The following MLIP variants were observed in gnomAD, a reference collection of about 807,000 sequenced individuals.
MLIP encodes the protein muscular LMNA interacting protein.
A neutral mutation model predicts 84.8 loss-of-function variants in MLIP; 79 were observed. That is an observed-to-expected ratio of 0.93 (90% CI 0.78 to 1.12). MLIP has a LOEUF of 1.12. Among genes scored for constraint, MLIP ranks in the 50% most tolerant of loss-of-function variants. MLIP has a pLI of 0.00. For synonymous variants in MLIP, 504 were observed against 463.0 expected, an observed-to-expected ratio of 1.09 and a Z score of -1.14; for missense variants, 1,257 against 1,160.6, an observed-to-expected ratio of 1.08 and a Z score of -1.21.
chr6:54,042,628 A>T (rs537624526), intron 1 of MLIP, among the ~76,000 whole-genome samples: 10 of 152,184 alleles, frequency 6.6e-5, no homozygotes, highest in Non-Finnish European at 1.3e-4. Context: ...TGAACTAAGC[A>T]TGTTGAGGAA....
At chr6:54,216,027 A>G in intron 11 of MLIP, 2 of 399,336 alleles carry the variant, frequency 5.0e-6, no homozygotes, top group Non-Finnish European at 6.8e-6. Context: ...AGGCTGAATA[A>G]TATTTCATTG....
Position 54,054,562 on chromosome 6 carries a change from T to C in MLIP, c.63+35471T>C, listed in dbSNP as rs141505279. Among the ~76,000 whole-genome samples, 46 of 152,264 alleles carry C rather than the reference T, an allele frequency of 3.0e-4. No homozygotes were observed. The East Asian group carries it at 7.7e-3, about 26-fold the overall frequency. On this transcript the variant is annotated intron_variant, in intron 1 of 12. Transcript: ENST00000274897. The stretch of plus-strand genomic sequence containing the variant: ...ATTCACTGAATTTTCACTCTGTTCC[T>C]ATCCATATTCAGGGCTAGATTAAAG...
rs189886641 is a variant in MLIP, at chr6:54,137,312, G to T, written c.1243G>T (p.Ala415Ser). 270 of 1,535,920 alleles carry T rather than the reference G, an allele frequency of 1.8e-4. 1 individual carries two copies. Among genetic ancestry groups the T allele is most frequent in the African/African-American group, 1.2e-3 (89 of 73,086 alleles). The change falls in exon 4 of 14, where the codon GCC (alanine) becomes TCC (serine). Residue 415 changes from alanine to serine, a missense_variant. Physicochemically the swap from Ala to Ser is moderately conservative, Grantham distance 99 (BLOSUM62 1). Transcript: ENST00000502396. ...AAAATCCCCGGTGCCTTCCCGGCTT[G>T]CCCTTCTCACTGCCATTCTCAAGTC... The part of the protein sequence containing the change: ...GVKSPVPSRL[A>S]LLTAILKSNP...
chr6:54,097,055 C>T (rs1450389502), intron 1 of MLIP, among the ~76,000 whole-genome samples: 1 of 152,044 alleles, frequency 6.6e-6, no homozygotes, highest in Non-Finnish European at 1.5e-5. Context: ...ACCAAGAAGG[C>T]TACATGTTAG....
intron 1 of MLIP, among the ~76,000 whole-genome samples, chr6:54,050,285 A>G (rs1485812516): frequency 6.6e-6 from 1 of 152,146 alleles, no homozygotes; most frequent in Non-Finnish European, 1.5e-5. Context: ...GAAAATGAAA[A>G]CACATATAGT....
intron 11 of MLIP, among the ~76,000 whole-genome samples, chr6:54,229,995 T>C (rs1187670222): frequency 2.0e-5 from 3 of 152,196 alleles, no homozygotes; most frequent in Admixed American, 2.0e-4. Flanking sequence ...TGGCCTCATG[T>C]AGTAGTTCCT....
At chr6:54,073,058 A>G (rs1561908500) in intron 1 of MLIP, among the ~76,000 whole-genome samples, 1 of 151,832 alleles carries the variant, frequency 6.6e-6, no homozygotes, top group African/African-American at 2.4e-5. Context: ...GTCCTCACTC[A>G]CCCTTTTCTG....
At chr6:54,242,631 C>G (rs1045033304) in intron 12 of MLIP, among the ~76,000 whole-genome samples, 3 of 152,058 alleles carry the variant, frequency 2.0e-5, no homozygotes, top group African/African-American at 7.2e-5. Context: ...TAACCTTCCC[C>G]TACTGCTTCA....
At chr6:54,251,594 AAT>A (rs377759177) in intron 12 of MLIP, among the ~76,000 whole-genome samples, 2 of 86,966 alleles carry the variant, frequency 2.3e-5, no homozygotes, top group African/African-American at 8.0e-5. Context: ...ATATAATACA[AAT>A]ATATATATTA....
intron 10 of MLIP, among the ~76,000 whole-genome samples, chr6:54,200,935 C>T (rs1484980527): frequency 1.3e-5 from 2 of 152,148 alleles, no homozygotes; most frequent in Non-Finnish European, 2.9e-5. Context: ...TAAGGCTTAA[C>T]TTGTGAGCAT....
chr6:54,064,884 T>A (rs1359324713), intron 1 of MLIP, among the ~76,000 whole-genome samples: 1 of 99,450 alleles, frequency 1.0e-5, no homozygotes, highest in East Asian at 2.7e-4. Flanking sequence ...AATGACTTTT[T>A]ACAAATTTTA....
chr6:54,178,813 C>T (rs746408866), intron 9 of MLIP, among the ~76,000 whole-genome samples: 6 of 152,050 alleles, frequency 3.9e-5, no homozygotes, highest in African/African-American at 7.2e-5. Flanking sequence ...ACCTAACATA[C>T]GGTCTATCCT....
intron 2 of MLIP, 37 bp downstream of exon 2, chr6:54,121,639 T>C: frequency 6.9e-7 from 1 of 1,445,166 alleles, no homozygotes; most frequent in Non-Finnish European, 9.3e-7. Flanking sequence ...TTTCAAACAA[T>C]TATATTAAAT....
chr6:54,183,757 T>TTA (rs1777122096), intron 9 of MLIP, among the ~76,000 whole-genome samples: 1 of 149,250 alleles, frequency 6.7e-6, no homozygotes, highest in Admixed American at 6.7e-5. Context: ...TTTTTTTTTT[T>TTA]TTTTTTGAGA....
At chr6:54,149,338 T>C (rs568604192) in intron 5 of MLIP, among the ~76,000 whole-genome samples, 3 of 152,282 alleles carry the variant, frequency 2.0e-5, no homozygotes, top group Admixed American at 1.3e-4. Context: ...AATATGAGCC[T>C]AGGGATGTTT....
At chr6:54,246,513 CT>C (rs1356096033) in intron 12 of MLIP, among the ~76,000 whole-genome samples, 2 of 151,894 alleles carry the variant, frequency 1.3e-5, no homozygotes, top group Non-Finnish European at 2.9e-5. Flanking sequence ...ATTTGTATGA[CT>C]TTTATTTGTG....
At chr6:54,127,287 T>G (rs1257723078) in intron 3 of MLIP, among the ~76,000 whole-genome samples, 12 of 152,222 alleles carry the variant, frequency 7.9e-5, no homozygotes, top group African/African-American at 2.9e-4. Context: ...TTTATCTTTT[T>G]TCCTCACTGG....
At chr6:54,082,903 TC>T (rs1333348116) in intron 1 of MLIP, among the ~76,000 whole-genome samples, 16 of 152,302 alleles carry the variant, frequency 1.1e-4, no homozygotes, top group African/African-American at 3.8e-4. Context: ...AAATATATTC[TC>T]CCCAGCTATA....
rs1470760120 is a variant in MLIP, at chr6:54,068,494, G to A, written c.63+49403G>A. 7.0e-5 allele frequency among the ~76,000 whole-genome samples: 7 copies of A among 99,566 alleles called. 3 individuals carry two copies. The highest frequency in any genetic ancestry group is 1.8e-4 in the African/African-American group (7 of 38,956). The allele number at this position is 99,566 out of a possible 152,430, so 65.3% of individuals were successfully genotyped here. On this transcript the variant is annotated intron_variant, in intron 1 of 12. Coordinates refer to the MLIP transcript ENST00000274897. ...CCACGTGGCTGACAACAGACCACTA[G>A]TGGCTCCTGGATTTTATGTTCTAAC...
Sources: gnomAD v4.1 joint callset for allele counts (sites outside exome capture counted in the v4.1 genomes callset) on GRCh38, gnomAD v4.1.1 for gene constraint, MANE v1.5 for transcripts, NCBI Gene and HGNC (gene_info 2026-07-23, HGNC 2026-07-21) for gene names.